Variants in HCCS observed in about 807,000 individuals in gnomAD.
HCCS encodes holocytochrome c synthase.
HCCS carries 2 observed loss-of-function variants against 24.2 expected under a neutral mutation model. That is an observed-to-expected ratio of 0.08 (90% CI 0.03 to 0.26). The LOEUF (loss-of-function observed/expected upper bound fraction) is 0.26, where lower values mean the gene tolerates loss of function less well. HCCS is among the 10% of genes least tolerant of loss of function. The probability of loss-of-function intolerance (pLI) is 1.00; values close to 1 mark genes in which losing one functional copy is unlikely to be tolerated. For synonymous variants in HCCS, 73 were observed against 76.2 expected (o/e 0.96, Z 0.22); for missense variants, 150 against 213.3 (o/e 0.70, Z 1.85).
rs1267345610 is a variant in HCCS, at chrX:11,121,807, G to A, written c.804G>A (p.Ser268=). Residue 268 remains serine (S), a synonymous_variant, in exon 7 of 7, where the codon TCG becomes TCA. Transcript: ENST00000380762. ...AAGTCGCTTGGTGGCGTTGGACCTC[G>A]TAAAGCACTGTTTCAGATGGAAAAA... ...RMKVAWWRWT[S] 6.7e-6 allele frequency: 8 copies of A among 1,191,025 alleles called. No individual in the cohort carries two copies. Among genetic ancestry groups the A allele is most frequent in the Non-Finnish European group, 9.1e-6 (8 of 878,353 alleles).
intron 5 of HCCS, among the ~76,000 whole-genome samples, chrX:11,118,855 T>C (rs1263554409): frequency 8.9e-6 from 1 of 111,742 alleles, no homozygotes. Flanking sequence ...GGATGGCTTG[T>C]CTCTGGTCCT....
chrX:11,123,007 AAT>A lies in HCCS; in HGVS notation c.*1199_*1200del, dbSNP rs1395149766. The A allele has an allele frequency of 8.9e-6, 1 of 111,794 alleles. No individual in the cohort carries two copies. Among genetic ancestry groups the A allele is most frequent in the Admixed American group, 9.5e-5 (1 of 10,513 alleles). 9.2% of individuals were successfully genotyped at this position (111,794 alleles called of 1,213,427 possible). On this transcript the variant is annotated 3_prime_UTR_variant, in exon 7 of 7. Coordinates refer to ENST00000380762, the MANE Select transcript of HCCS (RefSeq NM_005333.5). ...TGTCAGTTTTGTGTGGAGTTTAAGAAATAGAACAGCCTTAAACTCTACATTTC... is the reference window on the plus strand; with the variant it reads ...TGTCAGTTTTGTGTGGAGTTTAAGAAAGAACAGCCTTAAACTCTACATTTC...
Position 11,118,497 on chromosome X carries a change from C to G in HCCS, c.402-4C>G. 8.4e-7 allele frequency: 1 copy of G among 1,193,221 alleles called. No homozygotes were observed. The highest frequency in any genetic ancestry group is 1.1e-6 in the Non-Finnish European group (1 of 878,941). ...GTCAAATTTTACCAAATATTCTTTC[C>G]TAGGTGGAAGTGGAAGGATGAGGAT... On this transcript the variant is annotated splice_region_variant and splice_polypyrimidine_tract_variant and intron_variant, in intron 4 of 6. Transcript: ENST00000380762.
chrX:11,122,701 G>A lies in HCCS; in HGVS notation c.*891G>A, dbSNP rs2045501625. 8.9e-6 allele frequency: 1 copy of A among 112,480 alleles called. No homozygotes were observed. Among genetic ancestry groups the A allele is most frequent in the Admixed American group, 9.5e-5 (1 of 10,567 alleles). The allele number at this position is 112,480 out of a possible 1,213,427, so 9.3% of individuals were successfully genotyped here. On this transcript the variant is annotated 3_prime_UTR_variant, in exon 7 of 7. Transcript: ENST00000380762. ...AACATGATTTTATATTTGGCTGAGT[G>A]TTAAAATTCACAAGATGAGCATTTT...
At chrX:11,118,914 C>G (rs1042002376) in intron 5 of HCCS, among the ~76,000 whole-genome samples, 1 of 111,744 alleles carries the variant, frequency 8.9e-6, no homozygotes, top group African/African-American at 3.3e-5. Context: ...GGATGGCTTC[C>G]GAGCCGTGGG....
chrX:11,121,857 T>TA lies in HCCS; in HGVS notation c.*48dup. ...ATATAAACTATTTTTTTCTGAGCGA[T>TA]ACATTAAACTATTTTCCCCAGATTG... On this transcript the variant is annotated 3_prime_UTR_variant, in exon 7 of 7. Transcript: ENST00000380762. 1 of 1,016,930 alleles carries TA rather than the reference T, an allele frequency of 9.8e-7. No homozygotes were observed. Among genetic ancestry groups the TA allele is most frequent in the Non-Finnish European group, 1.4e-6 (1 of 725,412 alleles). 83.8% of individuals were successfully genotyped at this position (1,016,930 alleles called of 1,213,427 possible).
chrX:11,117,171 G>C lies in HCCS; in HGVS notation c.253-96G>C, dbSNP rs1057084145. ...ATGTCACTGATTTAATAAGTAATCT[G>C]TGCTTTTTGTGTGATGTATTGCTTT... On this transcript the variant is annotated intron_variant, in intron 3 of 6. Coordinates refer to ENST00000380762, the MANE Select transcript of HCCS (RefSeq NM_005333.5). 1.5e-5 allele frequency: 11 copies of C among 727,493 alleles called. No individual in the cohort carries two copies. In the African/African-American group the frequency reaches 2.1e-4, roughly 14 times the overall value. 60.0% of individuals were successfully genotyped at this position (727,493 alleles called of 1,213,427 possible).
At chrX:11,111,958 TA>T (rs1156392657) in intron 1 of HCCS, 60 bp from the exon 2 acceptor site, 20 of 626,881 alleles carry the variant, frequency 3.2e-5, no homozygotes, top group Non-Finnish European at 5.1e-5. Context: ...TTGACCAGAT[TA>T]GGACTAACGA....
intron 1 of HCCS, 57 bp downstream of exon 1, chrX:11,111,575 T>G (rs1485825547): frequency 1.3e-5 from 2 of 153,264 alleles, no homozygotes; most frequent in Non-Finnish European, 2.5e-5. Context: ...CGACCTCTGG[T>G]GTCCCTTCGT....
intron 4 of HCCS, 100 bp downstream of exon 4, chrX:11,117,515 T>C: frequency 1.4e-6 from 1 of 722,434 alleles, no homozygotes; most frequent in East Asian, 3.3e-5. Flanking sequence ...TAGTACATTT[T>C]TATGTATTAA....
rs917188096 is a variant in HCCS, at chrX:11,122,123, T to G, written c.*313T>G. 4.2e-6 allele frequency: 1 copy of G among 238,958 alleles called. No individual in the cohort carries two copies. The allele number at this position is 238,958 out of a possible 1,213,427, so 19.7% of individuals were successfully genotyped here. A position where few individuals can be genotyped will look rare whatever the true frequency, so the allele number is the denominator to read the frequency against. ...CCTGAACAACCTCTGAAAAAGAGCT[T>G]TTAAAAAGTGATGAAAGTTGCTTTT... On this transcript the variant is annotated 3_prime_UTR_variant, in exon 7 of 7. Coordinates refer to ENST00000380762, the MANE Select transcript of HCCS (RefSeq NM_005333.5).
At chrX:11,113,890 A>G (rs1375314977) in intron 2 of HCCS, among the ~76,000 whole-genome samples, 1 of 111,984 alleles carries the variant, frequency 8.9e-6, no homozygotes, top group African/African-American at 3.3e-5. Flanking sequence ...GCTTGGGAGG[A>G]GAAGTGCAGG....
Position 11,114,894 on chromosome X carries a change from C to G in HCCS, c.160C>G (p.Pro54Ala). The G allele has an allele frequency of 4.1e-6, 5 of 1,205,880 alleles. No individual in the cohort carries two copies. Among genetic ancestry groups the G allele is most frequent in the Non-Finnish European group, 5.6e-6 (5 of 890,041 alleles). ...CTGTGAGAAGAAAACATACTCTGTG[C>G]CTGCCCACCAGGAACGCGCCTATGA... ...PTCEKKTYSV[P>A]AHQERAYEYV... The change falls in exon 3 of 7, where the codon CCT (proline) becomes GCT (alanine). Residue 54 changes from proline (P) to alanine (A), a missense_variant. Around this residue, in one of 2 missense-constraint regions of HCCS, gnomAD observed 95 missense variants for 79.1 expected, o/e 1.20. Transcript: ENST00000380762.
intron 3 of HCCS, chrX:11,116,103 C>G (rs1484467226): frequency 8.9e-6 from 1 of 112,258 alleles, no homozygotes; most frequent in African/African-American, 3.2e-5. Context: ...CAAGGCTAGC[C>G]AACTGAAGCA....
chrX:11,117,174 C>A, intron 3 of HCCS, 93 bp from the exon 4 acceptor site: 1 of 754,883 alleles, frequency 1.3e-6, no homozygotes, highest in Non-Finnish European at 2.1e-6. Context: ...GTAATCTGTG[C>A]TTTTTGTGTG....
At position 11,122,757 on chromosome X, in the gene HCCS, C is replaced by A. The variant is rs2045502167; in HGVS notation, c.*947C>A. 8.9e-6 allele frequency: 1 copy of A among 112,291 alleles called. No individual in the cohort carries two copies. Among genetic ancestry groups the A allele is most frequent in the African/African-American group, 3.2e-5 (1 of 30,790 alleles). 9.3% of individuals were successfully genotyped at this position (112,291 alleles called of 1,213,427 possible). ...CAGATGGAGAACGCTTCAACTCAGT[C>A]TAGATTTTTTTTGTTTGTTTTAAGG... is the stretch of plus-strand genomic sequence containing the variant. On this transcript the variant is annotated 3_prime_UTR_variant, in exon 7 of 7. Coordinates refer to ENST00000380762, the MANE Select transcript of HCCS (RefSeq NM_005333.5).
chrX:11,115,018 T>A (rs764183338), intron 3 of HCCS, 32 bp downstream of exon 3: 1 of 1,165,858 alleles, frequency 8.6e-7, no homozygotes, highest in East Asian at 3.0e-5. Context: ...TTTCTGGAGC[T>A]TTTTATGCAG....
chrX:11,117,151 A>C, intron 3 of HCCS, 116 bp from the exon 4 acceptor site: 1 of 642,112 alleles, frequency 1.6e-6, no homozygotes, highest in Non-Finnish European at 2.6e-6. Flanking sequence ...TTTTGATGTC[A>C]CTGATTTAAT....
At chrX:11,120,615 T>TTCC (rs761695316) in intron 5 of HCCS, among the ~76,000 whole-genome samples, 2 of 111,087 alleles carry the variant, frequency 1.8e-5, no homozygotes, top group East Asian at 5.7e-4. Flanking sequence ...TAATTTGCCT[T>TTCC]TCCTCCTCCA....
Sources: allele counts gnomAD v4.1 joint callset (sites outside exome capture counted in the v4.1 genomes callset), GRCh38; gene constraint gnomAD v4.1.1; regional missense constraint gnomAD v4.1.1; transcripts MANE v1.5; gene names NCBI Gene and HGNC (gene_info 2026-07-23, HGNC 2026-07-21).